The following LCT variants were observed in gnomAD, a reference collection of about 807,000 sequenced individuals.
The protein encoded by LCT is lactase/phlorizin hydrolase.
Under a neutral mutation model 173.0 loss-of-function variants are expected in LCT, and 90 were observed. The ratio of observed to expected loss-of-function variants is 0.52; its 90% CI spans 0.44 to 0.62. The LOEUF is 0.62. Among genes scored for constraint, LCT ranks in the 20% least tolerant of loss-of-function variants. The pLI, the probability that LCT is intolerant of heterozygous loss-of-function variation, is 0.00. For synonymous variants in LCT, 853 were observed against 957.6 expected (o/e 0.89, Z 2.02); for missense variants, 1,864 against 2,431.4 (o/e 0.77, Z 4.91).
At chr2:135,801,985 G>C (rs1231317095) in intron 11 of LCT, among the ~76,000 whole-genome samples, 1 of 152,138 alleles carries the variant, frequency 6.6e-6, no homozygotes, top group Non-Finnish European at 1.5e-5. Flanking sequence ...GAATTGACAG[G>C]AGTTGATAAT....
In LCT at chr2:135,812,313, T is replaced by A; in HGVS notation, c.2351A>T (p.Lys784Met). ...YFNQYINEVL[K>M]AIKEDSVDVR... is the part of the protein sequence containing the mutation. Reference sequence around the variant, plus strand: ...ACTGGCACATCCATTGTTCTTACCCTTGAGCACCTCATTGATATATTGATT... The same window carrying A: ...ACTGGCACATCCATTGTTCTTACCCATGAGCACCTCATTGATATATTGATT... The change falls in exon 7 of 17, where the codon AAG (lysine) becomes ATG (methionine). Residue 784 changes from lysine (K) to methionine (M), a missense_variant and splice_region_variant. Coordinates refer to ENST00000264162, the MANE Select transcript of LCT (RefSeq NM_002299.4). 6.2e-7 allele frequency: 1 copy of A among 1,612,754 alleles called. No individual in the cohort carries two copies. Among genetic ancestry groups the A allele is most frequent in the Non-Finnish European group, 8.5e-7 (1 of 1,178,722 alleles).
chr2:135,807,734 G>A (rs2077689310), intron 8 of LCT, among the ~76,000 whole-genome samples: 1 of 151,324 alleles, frequency 6.6e-6, no homozygotes, highest in African/African-American at 2.4e-5. Flanking sequence ...GCTTGAACTC[G>A]GGAGATGGAG....
chr2:135,826,246 T>C (rs1031937393), intron 3 of LCT, among the ~76,000 whole-genome samples: 1 of 152,096 alleles, frequency 6.6e-6, no homozygotes, highest in Admixed American at 6.6e-5. Context: ...ACCCAGACAC[T>C]GGTAGAAGTG....
intron 1 of LCT, 141 bp downstream of exon 1, chr2:135,836,389 A>G (rs556342597): frequency 2.9e-5 from 23 of 805,812 alleles, no homozygotes; most frequent in Non-Finnish European, 5.0e-5. Context: ...TCAATTTACA[A>G]TATTAATTTC....
intron 7 of LCT, among the ~76,000 whole-genome samples, chr2:135,811,701 T>TAAA (rs59187404): frequency 1.8e-5 from 2 of 109,282 alleles, no homozygotes; most frequent in East Asian, 2.4e-4. Flanking sequence ...ACCCTGATTC[T>TAAA]AAAAAAAAAA....
chr2:135,807,420 G>T, intron 8 of LCT, 24 bp from the exon 9 acceptor site: 1 of 1,613,644 alleles, frequency 6.2e-7, no homozygotes, highest in South Asian at 1.1e-5. Context: ...AAAGGGAGCA[G>T]AGGAGAGCTT....
At chr2:135,815,229 C>T (rs1050858899) in intron 6 of LCT, among the ~76,000 whole-genome samples, 1 of 152,246 alleles carries the variant, frequency 6.6e-6, no homozygotes, top group East Asian at 1.9e-4. Context: ...AAGACAATGG[C>T]ATTCTAACAT....
At chr2:135,797,420 C>CGG (rs2077590946) in intron 13 of LCT, among the ~76,000 whole-genome samples, 2 of 152,184 alleles carry the variant, frequency 1.3e-5, no homozygotes, top group East Asian at 3.8e-4. Flanking sequence ...CCTCTCACCC[C>CGG]ACCTGCATGA....
In LCT at chr2:135,812,428, C is replaced by T. The variant is rs759690594; in HGVS notation, c.2236G>A (p.Gly746Arg). The T allele has an allele frequency of 6.2e-7, 1 of 1,614,210 alleles. No homozygotes were observed. Among genetic ancestry groups the T allele is most frequent in the South Asian group, 1.1e-5 (1 of 91,082 alleles). Residue 746 changes from glycine (G) to arginine (R), a missense_variant, in exon 7 of 17, where the codon GGA (glycine) becomes AGA (arginine). By Grantham distance (125) the Gly-to-Arg change is moderately radical (BLOSUM62 -2). Around this residue, in one of 4 missense-constraint regions of LCT, gnomAD observed 755 missense variants for 926.3 expected, o/e 0.82. Transcript: ENST00000264162. ...CCGGCAAGGTATATTGGAACTTTTCCTCTTGTGTATTCCAGGGATACAAAC... is the reference window on the plus strand; with the variant it reads ...CCGGCAAGGTATATTGGAACTTTTCTTCTTGTGTATTCCAGGGATACAAAC... ...LQFVSLEYTR[G>R]KVPIYLAGNG... is the part of the protein sequence containing the mutation.
At chr2:135,834,787 C>CAAAA (rs60298631) in intron 1 of LCT, among the ~76,000 whole-genome samples, 3,859 of 33,870 alleles carry the variant, frequency 0.11, 828 homozygotes, top group East Asian at 0.3. Flanking sequence ...GACTCCATCT[C>CAAAA]AAAAAAAAAA....
At chr2:135,818,195 GC>G in intron 5 of LCT, 134 bp from the exon 6 acceptor site, 1 of 1,034,644 alleles carries the variant, frequency 9.7e-7, no homozygotes, top group East Asian at 2.5e-5. Context: ...TATCTGCAAA[GC>G]CATGGGCAGG....
chr2:135,790,378 C>T lies in LCT; in HGVS notation c.5335+280G>A, dbSNP rs1472330162. Among the ~76,000 whole-genome samples the T allele has an allele frequency of 6.6e-6, 1 of 152,186 alleles. No individual in the cohort carries two copies. Among genetic ancestry groups the T allele is most frequent in the Non-Finnish European group, 1.5e-5 (1 of 68,030 alleles). ...TACCCAGACCATTCTCAGGAGGGCA[C>T]TGCTGTTCCGACATCAGGGAGGATC... On this transcript the variant is annotated intron_variant, in intron 15 of 16. Coordinates refer to ENST00000264162, the MANE Select transcript of LCT (RefSeq NM_002299.4). The surrounding 1 kb of genome is among the most constrained non-coding windows in gnomAD (Gnocchi z 4.1).
intron 14 of LCT, 124 bp downstream of exon 14, chr2:135,794,513 TTGCA>T: frequency 9.7e-7 from 1 of 1,029,554 alleles, no homozygotes. Flanking sequence ...GGCGAGCATC[TTGCA>T]AACCCCGGCA....
At chr2:135,789,066 A>T (rs1014411270) in intron 16 of LCT, among the ~76,000 whole-genome samples, 3 of 152,250 alleles carry the variant, frequency 2.0e-5, no homozygotes, top group Non-Finnish European at 2.9e-5. Context: ...AGTCATGCTC[A>T]AAAAGTTTCA....
rs1299985384 is a variant in LCT, at chr2:135,815,690, A to ATTATTG, written c.1707+1650_1707+1651insCAATAA. Reference sequence around the variant, plus strand: ...ACGGGACACAGGAAATAGTATTATTATTATTATTATTATTTTTGAGATGAA... The same window carrying ATTATTG: ...ACGGGACACAGGAAATAGTATTATTATTATTGTTATTATTATTATTTTTGAGATGAA... On this transcript the variant is annotated intron_variant, in intron 6 of 16. Transcript: ENST00000264162. Among the ~76,000 whole-genome samples, 4 of 151,612 alleles carry ATTATTG rather than the reference A, an allele frequency of 2.6e-5. No homozygotes were observed. The East Asian group carries it at 7.7e-4, about 29-fold the overall frequency.
chr2:135,806,537 G>A (rs1289367474), intron 9 of LCT, among the ~76,000 whole-genome samples: 5 of 152,040 alleles, frequency 3.3e-5, no homozygotes, highest in Non-Finnish European at 5.9e-5. Flanking sequence ...AGTCCAGCAG[G>A]CTCCATTCAT....
At position 135,807,242 on chromosome 2, in the gene LCT, C is replaced by A; in HGVS notation, c.4059G>T (p.Arg1353Ser). 6.2e-7 allele frequency: 1 copy of A among 1,614,218 alleles called. No homozygotes were observed. Among genetic ancestry groups the A allele is most frequent in the Non-Finnish European group, 8.5e-7 (1 of 1,180,028 alleles). ...TGTTGGTAATGACCTCTGTGTAGTA[C>A]CTGGCGGAGGCTCTTGCTGTGCGAG... ...NRPRTARASARYYTEVITNNG... is the reference protein window; with the variant it reads ...NRPRTARASASYYTEVITNNG... The change falls in exon 9 of 17, where the codon AGG becomes AGT. Residue 1353 changes from arginine to serine, a missense_variant. Around this residue, in one of 4 missense-constraint regions of LCT, gnomAD observed 514 missense variants for 750.1 expected, o/e 0.69. Coordinates refer to ENST00000264162, the MANE Select transcript of LCT (RefSeq NM_002299.4).
At position 135,798,074 on chromosome 2, in the gene LCT, G is replaced by A. The variant is rs1005571591; in HGVS notation, c.4931C>T (p.Thr1644Met). Residue 1644 changes from threonine (T) to methionine (M), a missense_variant, in exon 13 of 17, where the codon ACG becomes ATG. This residue lies in a region of LCT where 514 missense variants were observed against 750.1 expected (regional missense o/e 0.69). Coordinates refer to ENST00000264162, the MANE Select transcript of LCT (RefSeq NM_002299.4). Reference protein sequence around the residue: ...KNGDYNEVMKTRIRDRSLAAG... With the variant: ...KNGDYNEVMKMRIRDRSLAAG... ...AGCCAAGCTCCTGTCACGGATCCGCGTCTTCATCACCTCATTGTAATCTCC... is the reference window on the plus strand; with the variant it reads ...AGCCAAGCTCCTGTCACGGATCCGCATCTTCATCACCTCATTGTAATCTCC... 23 of 1,613,000 alleles carry A rather than the reference G, an allele frequency of 1.4e-5. No homozygotes were observed. The highest frequency in any genetic ancestry group is 5.5e-5 in the South Asian group (5 of 91,060).
At position 135,836,019 on chromosome 2, in the gene LCT, T is replaced by TAC. The variant is rs1553436157; in HGVS notation, c.640+509_640+510dup. 3.1e-4 allele frequency among the ~76,000 whole-genome samples: 34 copies of TAC among 110,460 alleles called. 1 individual carries two copies. The highest frequency in any genetic ancestry group is 1.0e-3 in the African/African-American group (32 of 31,120). The allele number at this position is 110,460 out of a possible 152,430, so 72.5% of individuals were successfully genotyped here. On this transcript the variant is annotated intron_variant, in intron 1 of 16. Transcript: ENST00000264162. Reference sequence around the variant, plus strand: ...ATATATATATATATATATATATGTATACATATTTTTTTTTTTTGAGATTGT... The same window carrying TAC: ...ATATATATATATATATATATATGTATACACATATTTTTTTTTTTTGAGATTGT...
Sources: allele counts gnomAD v4.1 joint callset (sites outside exome capture counted in the v4.1 genomes callset), GRCh38; gene constraint gnomAD v4.1.1; regional missense constraint gnomAD v4.1.1; non-coding constraint Gnocchi (gnomAD v3.1); transcripts MANE v1.5; gene names NCBI Gene and HGNC (gene_info 2026-07-23, HGNC 2026-07-21).